The following KCNK13 variants were observed in gnomAD, a reference collection of about 807,000 sequenced individuals.
KCNK13 encodes potassium two pore domain channel subfamily K member 13.
In KCNK13, 12 loss-of-function variants were observed where a neutral mutation model predicts 23.4. The ratio of observed to expected loss-of-function variants is 0.51; its 90% CI spans 0.33 to 0.83. KCNK13 has a LOEUF of 0.83. Ranked by LOEUF, KCNK13 falls within the 40% of genes least tolerant of loss-of-function variation. The pLI, the probability that KCNK13 is intolerant of heterozygous loss-of-function variation, is 0.02. For missense variants in KCNK13, 463 were observed against 556.3 expected (o/e 0.83, Z 1.69); for synonymous variants, 231 against 229.5 (o/e 1.01, Z -0.06).
At chr14:90,082,006 A>G (rs1348286754) in intron 1 of KCNK13, among the ~76,000 whole-genome samples, 1 of 152,138 alleles carries the variant, frequency 6.6e-6, no homozygotes, top group East Asian at 1.9e-4. Flanking sequence ...GCCAGAAGCC[A>G]CTAGATTCAG....
chr14:90,068,200 C>G (rs544927946), intron 1 of KCNK13, among the ~76,000 whole-genome samples: 2 of 152,268 alleles, frequency 1.3e-5, no homozygotes, highest in Non-Finnish European at 2.9e-5. Context: ...TTGGCCAAAT[C>G]AAGTCACAGA....
chr14:90,087,138 ATATATATATATATATAT>A (rs1889287416), intron 1 of KCNK13, among the ~76,000 whole-genome samples: 1 of 111,564 alleles, frequency 9.0e-6, no homozygotes, highest in African/African-American at 3.7e-5. Flanking sequence ...ACATATATAT[ATATATATATATATATAT>A]TTTTTTTTTT....
At chr14:90,137,001 G>A (rs1045130868) in intron 1 of KCNK13, among the ~76,000 whole-genome samples, 33 of 151,684 alleles carry the variant, frequency 2.2e-4, no homozygotes, top group African/African-American at 7.7e-4. Context: ...CGCAAAACAG[G>A]CAGTGAGAGT....
intron 1 of KCNK13, among the ~76,000 whole-genome samples, chr14:90,114,111 C>T (rs967910121): frequency 6.6e-6 from 1 of 152,188 alleles, no homozygotes; most frequent in Non-Finnish European, 1.5e-5. Context: ...TGCAGCTCTT[C>T]CTTGAGTACC....
chr14:90,094,629 G>A (rs1889386157), intron 1 of KCNK13, among the ~76,000 whole-genome samples: 1 of 150,332 alleles, frequency 6.7e-6, no homozygotes, highest in African/African-American at 2.5e-5. Context: ...CATTATCAGG[G>A]ACTTTTCTTT....
chr14:90,123,254 T>A (rs1446673104), intron 1 of KCNK13, among the ~76,000 whole-genome samples: 3 of 152,180 alleles, frequency 2.0e-5, no homozygotes, highest in Non-Finnish European at 4.4e-5. Flanking sequence ...GAAGTTTGTT[T>A]TCCTACAGTT....
At chr14:90,177,422 A>C (rs766637266) in intron 1 of KCNK13, 3 of 152,102 alleles carry the variant, frequency 2.0e-5, no homozygotes, top group Admixed American at 2.0e-4. Flanking sequence ...AATTTCGTGT[A>C]TTTTTCCCCC....
chr14:90,074,242 A>T (rs1889110516), intron 1 of KCNK13, among the ~76,000 whole-genome samples: 1 of 152,244 alleles, frequency 6.6e-6, no homozygotes, highest in South Asian at 2.1e-4. Context: ...TGCTGGGATT[A>T]CAGGCATTGA....
intron 1 of KCNK13, among the ~76,000 whole-genome samples, chr14:90,089,213 G>A (rs1889315537): frequency 6.6e-6 from 1 of 152,204 alleles, no homozygotes; most frequent in Admixed American, 6.5e-5. Flanking sequence ...GAGACTTGTT[G>A]AATAGCTTGG....
chr14:90,133,169 T>G (rs1889895008), intron 1 of KCNK13, among the ~76,000 whole-genome samples: 1 of 152,196 alleles, frequency 6.6e-6, no homozygotes, highest in African/African-American at 2.4e-5. Flanking sequence ...TCATTTAAAC[T>G]TCACCAAACA....
At chr14:90,178,994 A>T (rs927873937) in intron 1 of KCNK13, among the ~76,000 whole-genome samples, 2 of 152,246 alleles carry the variant, frequency 1.3e-5, no homozygotes. Context: ...AATCATCCGT[A>T]AAAAGATAAT....
At chr14:90,127,975 G>A (rs1175178597) in intron 1 of KCNK13, among the ~76,000 whole-genome samples, 1 of 152,098 alleles carries the variant, frequency 6.6e-6, no homozygotes, top group East Asian at 1.9e-4. Flanking sequence ...CAGGTTGAAG[G>A]CAAACCTGGC....
intron 1 of KCNK13, among the ~76,000 whole-genome samples, chr14:90,094,029 C>G (rs1379141547): frequency 1.3e-5 from 2 of 152,114 alleles, no homozygotes; most frequent in African/African-American, 4.8e-5. Flanking sequence ...TCTGCTTGAG[C>G]TTTCACTCCA....
chr14:90,166,493 G>C (rs1246234050), intron 1 of KCNK13, among the ~76,000 whole-genome samples: 1 of 152,176 alleles, frequency 6.6e-6, no homozygotes, highest in Admixed American at 6.5e-5. Flanking sequence ...ACCACCTGTG[G>C]TCAGGAGTTC....
intron 1 of KCNK13, among the ~76,000 whole-genome samples, chr14:90,136,171 C>T (rs910208248): frequency 7.2e-5 from 11 of 152,016 alleles, no homozygotes; most frequent in African/African-American, 7.2e-5. Context: ...GAAGGCTGAA[C>T]GTCAAGGAAG....
chr14:90,169,333 C>T (rs1596808781), intron 1 of KCNK13, among the ~76,000 whole-genome samples: 3 of 152,128 alleles, frequency 2.0e-5, no homozygotes, highest in South Asian at 4.1e-4. Context: ...TTGTGCAGGT[C>T]GCCTTCTTGT....
chr14:90,115,994 GTGTT>G (rs1180070140), intron 1 of KCNK13, among the ~76,000 whole-genome samples: 1 of 152,176 alleles, frequency 6.6e-6, no homozygotes, highest in Non-Finnish European at 1.5e-5. Flanking sequence ...GTTTCTTTGT[GTGTT>G]TGTTTGCTTG....
intron 1 of KCNK13, among the ~76,000 whole-genome samples, chr14:90,181,860 A>C (rs1890491302): frequency 6.6e-6 from 1 of 152,130 alleles, no homozygotes; most frequent in African/African-American, 2.4e-5. Flanking sequence ...GCCCCAGACA[A>C]ATGTTTCCCC....
Position 90,185,145 on chromosome 14 carries a change from G to A in KCNK13, c.*142G>A. 9.8e-6 allele frequency: 7 copies of A among 710,840 alleles called. No homozygotes were observed. The highest frequency in any genetic ancestry group is 1.5e-5 in the Non-Finnish European group (7 of 461,836). The allele number at this position is 710,840 out of a possible 1,614,324, so 44.0% of individuals were successfully genotyped here. A position where few individuals can be genotyped will look rare whatever the true frequency, so the allele number is the denominator to read the frequency against. ...CCTCCGCAAGCATCTTTAGAAATCT[G>A]ATCTCGGCTCCAACCAACAGCCACC... is the stretch of plus-strand genomic sequence containing the variant. On this transcript the variant is annotated 3_prime_UTR_variant, in exon 2 of 2. Coordinates refer to ENST00000282146, the MANE Select transcript of KCNK13 (RefSeq NM_022054.4).
Sources: gnomAD v4.1 joint callset for allele counts (sites outside exome capture counted in the v4.1 genomes callset) on GRCh38, gnomAD v4.1.1 for gene constraint, MANE v1.5 for transcripts, NCBI Gene and HGNC (gene_info 2026-07-23, HGNC 2026-07-21) for gene names.